ABCB4: variants seen among roughly 807,000 people sequenced by gnomAD.
ABCB4 encodes the protein ATP binding cassette subfamily B member 4.
In ABCB4, 76 loss-of-function variants were observed where a neutral mutation model predicts 145.7. The ratio of observed to expected loss-of-function variants is 0.52; its 90% CI spans 0.43 to 0.63. The LOEUF is 0.63. Ranked by LOEUF, ABCB4 falls within the 30% of genes least tolerant of loss-of-function variation. The pLI, the probability that ABCB4 is intolerant of heterozygous loss-of-function variation, is 0.00. For missense variants in ABCB4, 1,234 were observed against 1,553.1 expected (o/e 0.79, Z 3.45); for synonymous variants, 517 against 566.8 (o/e 0.91, Z 1.25).
Position 87,443,427 on chromosome 7 carries a change from G to A in ABCB4, c.1248C>T (p.Asn416=). 1.2e-6 allele frequency: 2 copies of A among 1,613,816 alleles called. No individual in the cohort carries two copies. The highest frequency in any genetic ancestry group is 2.2e-5 in the East Asian group (1 of 44,858). ...CCGTCTGCCCACTCTGCACCTTCAG[G>A]TTGAGGCCCTTCAAGATCTGTAAGG... The part of the protein sequence containing the change: ...RANVKILKGL[N]LKVQSGQTVA... Residue 416 remains asparagine, a synonymous_variant, in exon 12 of 28, where the codon AAC becomes AAT. Coordinates refer to ENST00000649586, the MANE Select transcript of ABCB4 (RefSeq NM_000443.4).
intron 7 of ABCB4, 110 bp downstream of exon 7, chr7:87,451,513 C>A: frequency 8.5e-7 from 1 of 1,177,170 alleles, no homozygotes; most frequent in South Asian, 1.3e-5. Context: ...GATGTAGTTT[C>A]AACTGACATT....
the ABCB4 span, among the ~76,000 whole-genome samples, chr7:87,388,887 G>A: frequency 3.3e-5 from 5 of 151,778 alleles, no homozygotes; most frequent in Non-Finnish European, 5.9e-5. Context: ...CCTGACAAAG[G>A]GCTAATATCC....
At chr7:87,402,975 G>A (rs1029602766) in intron 27 of ABCB4, among the ~76,000 whole-genome samples, 160 bp downstream of exon 27, 3 of 152,146 alleles carry the variant, frequency 2.0e-5, no homozygotes, top group Non-Finnish European at 4.4e-5. Context: ...TACAGCCTAG[G>A]CAACAACGAG....
the ABCB4 span, among the ~76,000 whole-genome samples, chr7:87,367,521 C>T: frequency 9.2e-5 from 14 of 152,188 alleles, no homozygotes; most frequent in Non-Finnish European, 2.1e-4. Flanking sequence ...TTTGTTTTTG[C>T]AACCAGTGAA....
At chr7:87,422,477 CCTTCCCAAA>C (rs1809514853) in intron 17 of ABCB4, among the ~76,000 whole-genome samples, 1 of 152,262 alleles carries the variant, frequency 6.6e-6, no homozygotes, top group African/African-American at 2.4e-5. Context: ...GAACTTTTCG[CCTTCCCAAA>C]CTTCCCAAAC....
intron 14 of ABCB4, among the ~76,000 whole-genome samples, chr7:87,438,847 T>A (rs1244703875): frequency 1.3e-5 from 2 of 152,210 alleles, no homozygotes; most frequent in East Asian, 3.8e-4. Context: ...TAACTTAGGA[T>A]TCAGATATAA....
chr7:87,383,944 A>G, the ABCB4 span, among the ~76,000 whole-genome samples: 1 of 152,014 alleles, frequency 6.6e-6, no homozygotes, highest in African/African-American at 2.4e-5. Context: ...TAGCAGTGGG[A>G]TCATCAGATT....
At chr7:87,409,573 T>A in intron 23 of ABCB4, among the ~76,000 whole-genome samples, 181 bp from the exon 24 acceptor site, 1 of 152,196 alleles carries the variant, frequency 6.6e-6, no homozygotes. Context: ...AGGGGCAAGA[T>A]CCACTTCCTG....
chr7:87,435,596 G>T (rs1351363731), intron 14 of ABCB4, among the ~76,000 whole-genome samples: 1 of 152,196 alleles, frequency 6.6e-6, no homozygotes, highest in East Asian at 1.9e-4. Context: ...CCTGCCTTAG[G>T]CAACAGCCAT....
chr7:87,444,409 T>C (rs1209563093), intron 10 of ABCB4, among the ~76,000 whole-genome samples: 1 of 152,204 alleles, frequency 6.6e-6, no homozygotes, highest in Non-Finnish European at 1.5e-5. Flanking sequence ...GTTTATTTAA[T>C]GTAGTTTATT....
the ABCB4 span, chr7:87,375,875 A>G: frequency 2.5e-6 from 4 of 1,613,602 alleles, no homozygotes; most frequent in South Asian, 4.4e-5. Flanking sequence ...TGGCTTTGTT[A>G]GAAAAAATTC....
the ABCB4 span, among the ~76,000 whole-genome samples, chr7:87,383,890 C>G: frequency 1.3e-5 from 2 of 152,120 alleles, no homozygotes; most frequent in Non-Finnish European, 2.9e-5. Context: ...TGGAGTGTGG[C>G]TATCTCTTTG....
At chr7:87,366,162 C>T in the ABCB4 span, among the ~76,000 whole-genome samples, 3 of 152,160 alleles carry the variant, frequency 2.0e-5, no homozygotes, top group Admixed American at 1.3e-4. Flanking sequence ...ATTATATCCT[C>T]AACCTTTTCT....
intron 21 of ABCB4, among the ~76,000 whole-genome samples, chr7:87,414,548 C>G (rs538338155): frequency 1.3e-5 from 2 of 152,292 alleles, no homozygotes; most frequent in East Asian, 3.9e-4. Context: ...GCCAAACCAC[C>G]CTTGACAAAT....
At chr7:87,438,868 G>A (rs1437399344) in intron 14 of ABCB4, among the ~76,000 whole-genome samples, 1 of 152,206 alleles carries the variant, frequency 6.6e-6, no homozygotes, top group African/African-American at 2.4e-5. Context: ...ATTTTCCTGA[G>A]AAAATAAGGT....
chr7:87,395,837 A>G, the ABCB4 span, among the ~76,000 whole-genome samples: 1 of 152,136 alleles, frequency 6.6e-6, no homozygotes, highest in Non-Finnish European at 1.5e-5. Context: ...CGGGGGTTAT[A>G]AGGACCTTTA....
chr7:87,404,045 C>T (rs1267488892), intron 26 of ABCB4, among the ~76,000 whole-genome samples: 1 of 152,074 alleles, frequency 6.6e-6, no homozygotes, highest in African/African-American at 2.4e-5. Flanking sequence ...AATTAATTTC[C>T]TAAGGTCCAG....
At chr7:87,424,834 G>C (rs1809697173) in intron 16 of ABCB4, among the ~76,000 whole-genome samples, 1 of 152,104 alleles carries the variant, frequency 6.6e-6, no homozygotes, top group South Asian at 2.1e-4. Context: ...TAAATGTCTG[G>C]CCAAGCATGC....
At chr7:87,417,282 T>C in intron 21 of ABCB4, 30 bp downstream of exon 21, 1 of 1,604,484 alleles carries the variant, frequency 6.2e-7, no homozygotes, top group Non-Finnish European at 8.5e-7. Context: ...AAACAACACT[T>C]AACACCAATT....
Sources: allele counts gnomAD v4.1 joint callset (sites outside exome capture counted in the v4.1 genomes callset), GRCh38; gene constraint gnomAD v4.1.1; transcripts MANE v1.5; gene names NCBI Gene and HGNC (gene_info 2026-07-23, HGNC 2026-07-21).